KLF8: variants seen among roughly 807,000 people sequenced by gnomAD.
The protein encoded by KLF8 is KLF transcription factor 8.
KLF8 carries 10 observed loss-of-function variants against 18.2 expected under a neutral mutation model. That is an observed-to-expected ratio of 0.55 (90% CI 0.34 to 0.93). The LOEUF is 0.93. KLF8 is among the 40% of genes least tolerant of loss of function. The pLI, the probability that KLF8 is intolerant of heterozygous loss-of-function variation, is 0.02. For synonymous variants in KLF8, 109 were observed against 97.3 expected (o/e 1.12, Z -0.71); for missense variants, 264 against 277.9 (o/e 0.95, Z 0.36).
the KLF8 span, among the ~76,000 whole-genome samples, chrX:56,168,992 G>A: frequency 9.0e-6 from 1 of 111,614 alleles, no homozygotes; most frequent in Admixed American, 9.6e-5. Flanking sequence ...TAACAAAATA[G>A]TATGATAATG....
the KLF8 span, among the ~76,000 whole-genome samples, chrX:56,063,854 G>A: frequency 9.0e-6 from 1 of 110,901 alleles, no homozygotes; most frequent in Non-Finnish European, 1.9e-5. Context: ...CCTGCCCAGA[G>A]CAGAGGAATC....
chrX:56,079,859 T>G, the KLF8 span, among the ~76,000 whole-genome samples: 1 of 111,694 alleles, frequency 9.0e-6, no homozygotes. Context: ...ATATTTAGGA[T>G]AGTTAGCTGT....
At chrX:56,150,011 AATATCTTTGCTCTACTTGAATGTTGGG>A in the KLF8 span, among the ~76,000 whole-genome samples, 2 of 112,123 alleles carry the variant, frequency 1.8e-5, no homozygotes, top group African/African-American at 6.5e-5. Context: ...GGGTTCACCA[AATATCTTTGCTCTACTTGAATGTTGGG>A]CAGGAGGTCC....
At chrX:56,193,515 A>C in the KLF8 span, among the ~76,000 whole-genome samples, 5 of 112,344 alleles carry the variant, frequency 4.5e-5, no homozygotes, top group Non-Finnish European at 7.5e-5. Flanking sequence ...AGATATCTGC[A>C]CTTTCATATT....
At chrX:56,153,136 T>C in the KLF8 span, among the ~76,000 whole-genome samples, 3 of 111,543 alleles carry the variant, frequency 2.7e-5, no homozygotes, top group African/African-American at 9.8e-5. Flanking sequence ...AGTAAGCCAA[T>C]AATATATTAA....
At chrX:55,962,860 A>G in the KLF8 span, among the ~76,000 whole-genome samples, 10 of 112,744 alleles carry the variant, frequency 8.9e-5, no homozygotes, top group Non-Finnish European at 1.3e-4. Context: ...CTCATGAGAA[A>G]TAGCACACAT....
chrX:56,148,100 ATGTT>A, the KLF8 span, among the ~76,000 whole-genome samples: 18 of 112,335 alleles, frequency 1.6e-4, no homozygotes, highest in Non-Finnish European at 3.0e-4. Flanking sequence ...CTCAATAAAA[ATGTT>A]TGGGCATATG....
At chrX:56,023,847 A>G in the KLF8 span, among the ~76,000 whole-genome samples, 2 of 111,928 alleles carry the variant, frequency 1.8e-5, no homozygotes, top group African/African-American at 3.2e-5. Flanking sequence ...ATGTCATTCT[A>G]TCAACATGCT....
At chrX:56,144,793 T>C in the KLF8 span, among the ~76,000 whole-genome samples, 2 of 104,750 alleles carry the variant, frequency 1.9e-5, no homozygotes, top group Admixed American at 2.0e-4. Context: ...AGTTGGTGTT[T>C]GTTTGTTTGT....
the KLF8 span, among the ~76,000 whole-genome samples, chrX:56,052,602 A>T: frequency 8.9e-6 from 1 of 111,890 alleles, no homozygotes; most frequent in South Asian, 3.7e-4. Context: ...TCAAGGACCC[A>T]CTTGAGGAAG....
the KLF8 span, among the ~76,000 whole-genome samples, chrX:56,009,553 C>T: frequency 8.9e-6 from 1 of 112,044 alleles, no homozygotes; most frequent in Non-Finnish European, 1.9e-5. Flanking sequence ...TGACTTTTCT[C>T]CTCCAAATGA....
the KLF8 span, among the ~76,000 whole-genome samples, chrX:56,027,865 A>G: frequency 8.9e-6 from 1 of 112,689 alleles, no homozygotes; most frequent in Non-Finnish European, 1.9e-5. Context: ...TTTTCACACA[A>G]GCTTTGGTAC....
At chrX:55,940,602 A>G in the KLF8 span, among the ~76,000 whole-genome samples, 140 of 111,968 alleles carry the variant, frequency 1.3e-3, 1 homozygote, top group Non-Finnish European at 2.3e-3. Flanking sequence ...CTGTTTGCAG[A>G]TGACATGATT....
chrX:56,054,167 T>C, the KLF8 span, among the ~76,000 whole-genome samples: 1 of 110,974 alleles, frequency 9.0e-6, no homozygotes, highest in African/African-American at 3.3e-5. Flanking sequence ...AGTCTCTCTC[T>C]GTCGCCCAGG....
At chrX:56,029,651 C>T in the KLF8 span, among the ~76,000 whole-genome samples, 1 of 112,165 alleles carries the variant, frequency 8.9e-6, no homozygotes, top group Non-Finnish European at 1.9e-5. Flanking sequence ...AAAGTCCCTT[C>T]GTCTTTTTCT....
chrX:56,214,029 C>G, the KLF8 span, among the ~76,000 whole-genome samples: 1 of 111,482 alleles, frequency 9.0e-6, no homozygotes, highest in Non-Finnish European at 1.9e-5. Flanking sequence ...TCAGCCATCT[C>G]CAGCTGGACT....
the KLF8 span, among the ~76,000 whole-genome samples, chrX:55,937,265 G>T: frequency 8.9e-6 from 1 of 111,966 alleles, no homozygotes; most frequent in Non-Finnish European, 1.9e-5. Flanking sequence ...GGCAAACAGG[G>T]TCTGGAGTGG....
At chrX:55,976,462 G>A in the KLF8 span, among the ~76,000 whole-genome samples, 2 of 110,779 alleles carry the variant, frequency 1.8e-5, no homozygotes, top group East Asian at 5.7e-4. Flanking sequence ...TGCAGTATTC[G>A]TTTTGTGGCT....
At chrX:55,923,561 C>T in the KLF8 span, among the ~76,000 whole-genome samples, 4 of 110,842 alleles carry the variant, frequency 3.6e-5, no homozygotes, top group Non-Finnish European at 7.6e-5. Flanking sequence ...CTGCGTTTTT[C>T]TCATCTCTGT....
Sources: allele counts gnomAD v4.1 joint callset (sites outside exome capture counted in the v4.1 genomes callset), GRCh38; gene constraint gnomAD v4.1.1; transcripts MANE v1.5; gene names NCBI Gene and HGNC (gene_info 2026-07-23, HGNC 2026-07-21).